DNAH8: variants seen among roughly 807,000 people sequenced by gnomAD.
DNAH8 encodes dynein axonemal heavy chain 8, also known as axonemal beta dynein heavy chain 8.
A neutral mutation model predicts 562.1 loss-of-function variants in DNAH8; 382 were observed. The ratio of observed to expected loss-of-function variants is 0.68; its 90% confidence interval spans 0.63 to 0.74. DNAH8 has a LOEUF of 0.74. Ranked by LOEUF, DNAH8 falls within the 30% of genes least tolerant of loss-of-function variation. The pLI, the probability that DNAH8 is intolerant of heterozygous loss-of-function variation, is 0.00. For missense variants in DNAH8, 5,203 were observed against 5,620.4 expected, an observed-to-expected ratio of 0.93 and a Z score of 2.37; for synonymous variants, 1,881 against 1,919.4, an observed-to-expected ratio of 0.98 and a Z score of 0.52.
chr6:38,862,216 G>T (rs1776689636), intron 43 of DNAH8, 64 bp from the exon 44 acceptor site: 1 of 1,454,422 alleles, frequency 6.9e-7, no homozygotes, highest in Non-Finnish European at 9.4e-7. Context: ...TTGGATTTTT[G>T]CTTGCGCCAT....
chr6:38,778,884 A>C (rs1221533149), intron 14 of DNAH8, among the ~76,000 whole-genome samples: 3 of 152,184 alleles, frequency 2.0e-5, no homozygotes, highest in Admixed American at 2.0e-4. Context: ...CCTGCACCTT[A>C]AAAGAAATTG....
In DNAH8 at chr6:38,917,513, G is replaced by A. The variant is rs371811720; in HGVS notation, c.10308+107G>A. On this transcript the variant is annotated intron_variant, in intron 69 of 92. Coordinates refer to ENST00000327475, the MANE Select transcript of DNAH8 (RefSeq NM_001206927.2). ...CTGGCAGACAATAATTGATCATTGCGTATTGAAAAGTTTATCTTAAACTCC... is the reference window on the plus strand; with the variant it reads ...CTGGCAGACAATAATTGATCATTGCATATTGAAAAGTTTATCTTAAACTCC... The A allele has an allele frequency of 1.5e-3, 1,375 of 904,868 alleles. 14 individuals carry two copies. Among genetic ancestry groups the A allele is most frequent in the Middle Eastern group, 6.6e-3 (29 of 4,414 alleles). 56.1% of individuals were successfully genotyped at this position (904,868 alleles called of 1,614,324 possible). A position where few individuals can be genotyped will look rare whatever the true frequency, so the allele number is the denominator to read the frequency against.
chr6:38,972,490 T>A (rs1221262940), intron 83 of DNAH8, among the ~76,000 whole-genome samples: 3 of 152,218 alleles, frequency 2.0e-5, no homozygotes, highest in Non-Finnish European at 4.4e-5. Context: ...AAAGCAATTA[T>A]ACATAATTAT....
intron 26 of DNAH8, among the ~76,000 whole-genome samples, chr6:38,816,391 C>T (rs190357952): frequency 1.4e-3 from 207 of 152,306 alleles, no homozygotes; most frequent in Non-Finnish European, 2.5e-3. Flanking sequence ...CCGGCTCCAT[C>T]TATGTCCTTG....
chr6:38,904,354 G>T (rs991444039), intron 62 of DNAH8, among the ~76,000 whole-genome samples: 3 of 152,134 alleles, frequency 2.0e-5, no homozygotes. Context: ...GTGCGTCATG[G>T]AAAGAAAAGA....
chr6:38,922,541 T>A (rs1269319315), intron 71 of DNAH8, among the ~76,000 whole-genome samples: 1 of 152,208 alleles, frequency 6.6e-6, no homozygotes, highest in Non-Finnish European at 1.5e-5. Flanking sequence ...TTTTTAATTG[T>A]AAGCTTACAT....
intron 60 of DNAH8, 94 bp downstream of exon 60, chr6:38,896,319 A>C: frequency 9.5e-7 from 1 of 1,052,134 alleles, no homozygotes; most frequent in Non-Finnish European, 1.4e-6. Flanking sequence ...AGTTGCTATA[A>C]TTCCAGCACT....
At chr6:38,933,271 A>T (rs1782698041) in intron 76 of DNAH8, among the ~76,000 whole-genome samples, 1 of 152,164 alleles carries the variant, frequency 6.6e-6, no homozygotes, top group South Asian at 2.1e-4. Flanking sequence ...CACTCTTCTT[A>T]TTCCCTAGCT....
intron 10 of DNAH8, among the ~76,000 whole-genome samples, chr6:38,757,071 T>G (rs1284563437): frequency 6.6e-6 from 1 of 152,168 alleles, no homozygotes; most frequent in Non-Finnish European, 1.5e-5. Flanking sequence ...GTATTTCTAG[T>G]TCTAGATCCC....
chr6:39,026,543 A>G lies in DNAH8; in HGVS notation c.13715-3A>G. ...TTCAACATCTCTTCTTTTTTTCTTT[A>G]AGGCTTCCTCACAGCAATGAGGCAA... On this transcript the variant is annotated splice_region_variant and splice_polypyrimidine_tract_variant and intron_variant, in intron 91 of 92. Transcript: ENST00000327475. The G allele has an allele frequency of 1.3e-6, 2 of 1,599,300 alleles. No individual in the cohort carries two copies. Among genetic ancestry groups the G allele is most frequent in the South Asian group, 1.1e-5 (1 of 89,742 alleles).
chr6:38,991,815 T>C (rs1223821755), intron 88 of DNAH8, among the ~76,000 whole-genome samples: 1 of 152,182 alleles, frequency 6.6e-6, no homozygotes, highest in Non-Finnish European at 1.5e-5. Flanking sequence ...CACTTTTACC[T>C]CTTCTAGTCT....
At chr6:38,985,798 T>C (rs1219043599) in intron 87 of DNAH8, among the ~76,000 whole-genome samples, 1 of 152,174 alleles carries the variant, frequency 6.6e-6, no homozygotes, top group African/African-American at 2.4e-5. Context: ...AAGTGCCTCC[T>C]CCCCAGCCTT....
At chr6:38,967,992 C>T (rs1293490435) in intron 82 of DNAH8, among the ~76,000 whole-genome samples, 1 of 152,132 alleles carries the variant, frequency 6.6e-6, no homozygotes, top group Non-Finnish European at 1.5e-5. Context: ...CCAGCCCTCA[C>T]ATATTATGGT....
At chr6:39,011,385 T>C (rs1766197904) in intron 89 of DNAH8, among the ~76,000 whole-genome samples, 2 of 152,224 alleles carry the variant, frequency 1.3e-5, no homozygotes, top group African/African-American at 4.8e-5. Flanking sequence ...TTGAGTTCTC[T>C]CCCACTCCAT....
At chr6:38,999,998 A>G (rs887822447) in intron 88 of DNAH8, among the ~76,000 whole-genome samples, 2 of 152,048 alleles carry the variant, frequency 1.3e-5, no homozygotes, top group Admixed American at 6.6e-5. Context: ...ACAATATACT[A>G]TGTTTTTACC....
intron 26 of DNAH8, among the ~76,000 whole-genome samples, chr6:38,820,875 G>A (rs1359941532): frequency 1.3e-5 from 2 of 152,090 alleles, no homozygotes; most frequent in Admixed American, 6.5e-5. Flanking sequence ...CTTATAAAAG[G>A]CATCATACTT....
intron 8 of DNAH8, among the ~76,000 whole-genome samples, chr6:38,745,262 G>A (rs1363606441): frequency 6.6e-6 from 1 of 152,194 alleles, no homozygotes; most frequent in East Asian, 1.9e-4. Flanking sequence ...GCCATTTGCT[G>A]TGATGTAATA....
Position 38,890,816 on chromosome 6 carries a change from A to T in DNAH8, c.8583+55A>T, listed in dbSNP as rs16891199. On this transcript the variant is annotated intron_variant, in intron 58 of 92. Coordinates refer to ENST00000327475, the MANE Select transcript of DNAH8 (RefSeq NM_001206927.2). ...AAAGGCAACTATTATTCAGCCCTAG[A>T]TCACACCTCGTGGCTCATTAAGTTA... The T allele has an allele frequency of 0.013, 16,455 of 1,219,848 alleles. 846 individuals are homozygous for T. The East Asian group carries it at 0.14, about 10-fold the overall frequency. The allele number at this position is 1,219,848 out of a possible 1,614,324, so 75.6% of individuals were successfully genotyped here.
chr6:38,766,999 T>A (rs1170644726), intron 11 of DNAH8, among the ~76,000 whole-genome samples: 1 of 152,220 alleles, frequency 6.6e-6, no homozygotes, highest in Non-Finnish European at 1.5e-5. Flanking sequence ...TTTTTAATTA[T>A]GATAAAAATA....
Sources: gnomAD v4.1 joint callset for allele counts (sites outside exome capture counted in the v4.1 genomes callset) on GRCh38, gnomAD v4.1.1 for gene constraint, MANE v1.5 for transcripts, NCBI Gene and HGNC (gene_info 2026-07-23, HGNC 2026-07-21) for gene names.